MEOX2: variants seen among roughly 807,000 people sequenced by gnomAD.
MEOX2 encodes the protein mesenchyme homeobox 2.
MEOX2 carries 11 observed loss-of-function variants against 27.0 expected under a neutral mutation model. That is an observed-to-expected ratio of 0.41 (90% CI 0.26 to 0.68). MEOX2 has a LOEUF of 0.68. Ranked by LOEUF, MEOX2 falls within the 30% of genes least tolerant of loss-of-function variation. The pLI, the probability that MEOX2 is intolerant of heterozygous loss-of-function variation, is 0.33. For synonymous variants in MEOX2, 189 were observed against 155.4 expected, an observed-to-expected ratio of 1.22 and a Z score of -1.61; for missense variants, 436 against 385.4, an observed-to-expected ratio of 1.13 and a Z score of -1.10.
chr7:15,630,212 C>A (rs1328562321), intron 1 of MEOX2, among the ~76,000 whole-genome samples: 1 of 152,068 alleles, frequency 6.6e-6, no homozygotes, highest in Non-Finnish European at 1.5e-5. Flanking sequence ...GTTCCCTAAC[C>A]TTTTGCTCCC....
intron 1 of MEOX2, among the ~76,000 whole-genome samples, chr7:15,633,006 C>T (rs1781425777): frequency 6.6e-6 from 1 of 151,926 alleles, no homozygotes; most frequent in African/African-American, 2.4e-5. Context: ...GCATTCCATT[C>T]CATTTTCCCT....
intron 1 of MEOX2, among the ~76,000 whole-genome samples, chr7:15,651,900 C>A (rs1305338974): frequency 1.3e-5 from 2 of 151,934 alleles, no homozygotes; most frequent in Non-Finnish European, 2.9e-5. Context: ...AACAGACTGA[C>A]ATGATTACTT....
intron 1 of MEOX2, among the ~76,000 whole-genome samples, chr7:15,658,362 C>G (rs916563142): frequency 2.6e-5 from 4 of 152,118 alleles, no homozygotes; most frequent in Non-Finnish European, 5.9e-5. Flanking sequence ...TTTTTTCCTA[C>G]GGTGTTTGAC....
chr7:15,677,140 A>G (rs952080329), intron 1 of MEOX2, among the ~76,000 whole-genome samples: 12 of 152,216 alleles, frequency 7.9e-5, no homozygotes, highest in African/African-American at 2.9e-4. Flanking sequence ...TTACTTAGGC[A>G]AGTTACATTT....
At chr7:15,681,202 G>A (rs1782287054) in intron 1 of MEOX2, 1 of 151,772 alleles carries the variant, frequency 6.6e-6, no homozygotes, top group African/African-American at 2.4e-5. Context: ...AAAGAGATTT[G>A]CTCTGAAAAT....
At chr7:15,628,167 A>T (rs539808436) in intron 1 of MEOX2, among the ~76,000 whole-genome samples, 1 of 151,988 alleles carries the variant, frequency 6.6e-6, no homozygotes, top group Admixed American at 6.6e-5. Flanking sequence ...TTTTCATGCA[A>T]TGATGCTTAA....
intron 2 of MEOX2, among the ~76,000 whole-genome samples, chr7:15,617,925 C>T (rs902859463): frequency 1.3e-5 from 2 of 152,066 alleles, no homozygotes; most frequent in Admixed American, 6.5e-5. Context: ...TAGCTATAGA[C>T]AGCCATGGAC....
At chr7:15,630,181 C>A (rs2237495) in intron 1 of MEOX2, among the ~76,000 whole-genome samples, 5,699 of 152,082 alleles carry the variant, frequency 0.037, 501 homozygotes, top group East Asian at 0.36. Flanking sequence ...CTTATGTGTT[C>A]AGGTATGGTT....
chr7:15,655,009 C>T (rs942937259), intron 1 of MEOX2, among the ~76,000 whole-genome samples: 11 of 151,480 alleles, frequency 7.3e-5, no homozygotes, highest in African/African-American at 2.7e-4. Flanking sequence ...ATCATATGGG[C>T]CTGTATATAT....
intron 2 of MEOX2, among the ~76,000 whole-genome samples, chr7:15,615,120 A>G (rs999062412): frequency 6.6e-6 from 1 of 152,182 alleles, no homozygotes; most frequent in Non-Finnish European, 1.5e-5. Context: ...AAACAAAATA[A>G]TCAGTAATTC....
chr7:15,616,114 A>T (rs1781119638), intron 2 of MEOX2, among the ~76,000 whole-genome samples: 1 of 151,844 alleles, frequency 6.6e-6, no homozygotes, highest in Admixed American at 6.6e-5. Context: ...CAGTAGCTAC[A>T]TGTATATACA....
chr7:15,659,463 A>T (rs1399740226), intron 1 of MEOX2, among the ~76,000 whole-genome samples: 1 of 152,126 alleles, frequency 6.6e-6, no homozygotes, highest in East Asian at 1.9e-4. Flanking sequence ...AATTTTAAGC[A>T]CTTGAAAGCA....
intron 1 of MEOX2, among the ~76,000 whole-genome samples, chr7:15,663,574 C>T (rs1005713274): frequency 3.3e-5 from 5 of 151,966 alleles, no homozygotes; most frequent in Admixed American, 6.6e-5. Flanking sequence ...CTCCTGACCT[C>T]GTGATCCACT....
intron 1 of MEOX2, among the ~76,000 whole-genome samples, chr7:15,663,781 A>G (rs1781954685): frequency 6.6e-6 from 1 of 152,240 alleles, no homozygotes; most frequent in South Asian, 2.1e-4. Flanking sequence ...AGAGATGGGC[A>G]TAAGGCTGGC....
At chr7:15,633,924 C>G (rs946544624) in intron 1 of MEOX2, among the ~76,000 whole-genome samples, 1 of 151,788 alleles carries the variant, frequency 6.6e-6, no homozygotes, top group African/African-American at 2.4e-5. Flanking sequence ...GAGCCTTGTT[C>G]TGGCATAGAA....
chr7:15,649,090 C>T (rs1186258903), intron 1 of MEOX2, among the ~76,000 whole-genome samples: 1 of 152,088 alleles, frequency 6.6e-6, no homozygotes, highest in Non-Finnish European at 1.5e-5. Context: ...ACTCTTTCTT[C>T]CCAAAATGGG....
Position 15,686,197 on chromosome 7 carries a change from TGG to T in MEOX2, c.204_205del (p.His68GlnfsTer135). 1 of 1,601,696 alleles carries T rather than the reference TGG, an allele frequency of 6.2e-7. No homozygotes were observed. On this transcript the variant is annotated frameshift_variant, in exon 1 of 3. Coordinates refer to ENST00000262041, the MANE Select transcript of MEOX2 (RefSeq NM_005924.5). LOFTEE classifies it high-confidence loss of function. ...ATGGTGGTGGTGGTGGTGGTGGTGGTGGTGCCCCCTGTGATGCTGGCTGGCAA... is the reference window on the plus strand; with the variant it reads ...ATGGTGGTGGTGGTGGTGGTGGTGGTTGCCCCCTGTGATGCTGGCTGGCAA...
At chr7:15,646,167 C>A (rs1457194486) in intron 1 of MEOX2, among the ~76,000 whole-genome samples, 4 of 152,018 alleles carry the variant, frequency 2.6e-5, no homozygotes, top group Non-Finnish European at 5.9e-5. Context: ...ATAGTTTTAA[C>A]ATCTCTCTAC....
At chr7:15,658,481 AT>A (rs1781860238) in intron 1 of MEOX2, among the ~76,000 whole-genome samples, 1 of 152,152 alleles carries the variant, frequency 6.6e-6, no homozygotes, top group Non-Finnish European at 1.5e-5. Context: ...TTGTGTGTAT[AT>A]ATTGGTGTGT....
Sources: gnomAD v4.1 joint callset for allele counts (sites outside exome capture counted in the v4.1 genomes callset) on GRCh38, gnomAD v4.1.1 for gene constraint, MANE v1.5 for transcripts, NCBI Gene and HGNC (gene_info 2026-07-23, HGNC 2026-07-21) for gene names.